PTCD3: variants seen among roughly 807,000 people sequenced by gnomAD.
The protein encoded by PTCD3 is small ribosomal subunit protein mS39.
PTCD3 carries 89 observed loss-of-function variants against 101.9 expected under a neutral mutation model. That is an observed-to-expected ratio of 0.87 (90% CI 0.74 to 1.04). The LOEUF (loss-of-function observed/expected upper bound fraction) is 1.04, where lower values mean the gene tolerates loss of function less well. Ranked by LOEUF, PTCD3 falls within the 50% of genes least tolerant of loss-of-function variation. The pLI, the probability that PTCD3 is intolerant of heterozygous loss-of-function variation, is 0.00. For missense variants in PTCD3, 870 were observed against 828.2 expected, an observed-to-expected ratio of 1.05 and a Z score of -0.62; for synonymous variants, 296 against 278.5, an observed-to-expected ratio of 1.06 and a Z score of -0.63.
chr2:86,128,049 T>G, intron 14 of PTCD3, 58 bp downstream of exon 14: 1 of 1,323,130 alleles, frequency 7.6e-7, no homozygotes. Flanking sequence ...CTTTCTTGAG[T>G]TTATGTGATT....
At chr2:86,119,096 C>G in intron 7 of PTCD3, 52 bp downstream of exon 7, 1 of 1,592,470 alleles carries the variant, frequency 6.3e-7, no homozygotes, top group East Asian at 2.2e-5. Flanking sequence ...TGAAGTGGGC[C>G]CAAGTTATAT....
chr2:86,127,748 T>TA (rs1674422328), intron 13 of PTCD3, 193 bp from the exon 14 acceptor site: 1 of 584,820 alleles, frequency 1.7e-6, no homozygotes, highest in Non-Finnish European at 3.0e-6. Flanking sequence ...CAAAAAGTGA[T>TA]ACAGTCTTTG....
chr2:86,131,183 T>C lies in PTCD3; in HGVS notation c.1266+77T>C, dbSNP rs979847468. ...AACTGGAGGGTTCTCCCTGGTTCTT[T>C]TCACTTTCTAACTCTTCTGTTCATG... On this transcript the variant is annotated intron_variant, in intron 16 of 23. Coordinates refer to ENST00000254630, the MANE Select transcript of PTCD3 (RefSeq NM_017952.6). The C allele has an allele frequency of 3.6e-6, 4 of 1,102,864 alleles. No homozygotes were observed. In the African/African-American group the frequency reaches 4.9e-5, roughly 13 times the overall value. 68.3% of individuals were successfully genotyped at this position (1,102,864 alleles called of 1,614,324 possible). A position where few individuals can be genotyped will look rare whatever the true frequency, so the allele number is the denominator to read the frequency against.
At chr2:86,131,845 C>T (rs552241845) in intron 16 of PTCD3, among the ~76,000 whole-genome samples, 9 of 152,354 alleles carry the variant, frequency 5.9e-5, no homozygotes, top group Non-Finnish European at 1.2e-4. Context: ...GCAAAAACCA[C>T]AATTACTTTT....
chr2:86,132,622 GT>G (rs11333311), intron 17 of PTCD3, 198 bp downstream of exon 17: 114,176 of 218,160 alleles, frequency 0.52, 23,676 homozygotes, highest in Admixed American at 0.63. Context: ...TCCTTTAAGG[GT>G]TTTTTTTTTT....
At chr2:86,124,291 T>G (rs1351120223) in intron 9 of PTCD3, among the ~76,000 whole-genome samples, 1 of 152,130 alleles carries the variant, frequency 6.6e-6, no homozygotes, top group African/African-American at 2.4e-5. Flanking sequence ...TATCTAAAAT[T>G]GTTATTGAAG....
rs759074091 is a variant in PTCD3 at position 86,116,592 on chromosome 2, G to A, written c.303G>A (p.Leu101=). Residue 101 remains leucine, a synonymous_variant, in exon 5 of 24, where the codon TTG becomes TTA. Transcript: ENST00000254630. ...CTTACCTTATGCCAGCATCATCTTT[G>A]GAATCTGTGAGTATTTTCATATAAT... ...DDPYLMPASS[L]ESRSFLLAKK... The A allele has an allele frequency of 1.2e-6, 2 of 1,603,868 alleles. No homozygotes were observed. Among genetic ancestry groups the A allele is most frequent in the South Asian group, 2.2e-5 (2 of 90,846 alleles).
chr2:86,137,904 C>A lies in PTCD3; in HGVS notation c.*345C>A. 4.1e-6 allele frequency: 1 copy of A among 241,088 alleles called. No homozygotes were observed. Among genetic ancestry groups the A allele is most frequent in the Non-Finnish European group, 8.4e-6 (1 of 118,812 alleles). 14.9% of individuals were successfully genotyped at this position (241,088 alleles called of 1,614,324 possible). A position where few individuals can be genotyped will look rare whatever the true frequency, so the allele number is the denominator to read the frequency against. ...ACGATGCTGTCCTCGTGCGATTGCC[C>A]TCTCCTGCTGCTGGACTTCTGCCTT... is the stretch of plus-strand genomic sequence containing the variant. On this transcript the variant is annotated 3_prime_UTR_variant, in exon 24 of 24. Transcript: ENST00000254630.
intron 5 of PTCD3, 77 bp downstream of exon 5, chr2:86,116,675 A>G (rs1674184024): frequency 9.0e-7 from 1 of 1,109,412 alleles, no homozygotes; most frequent in Non-Finnish European, 1.4e-6. Context: ...ATTTAGTTGT[A>G]ATAACCTGGG....
Position 86,119,050 on chromosome 2 carries a change from TGAGTTCGATTAAAGCCCCTCTAA to T in PTCD3, c.538+7_538+29del. On this transcript the variant is annotated splice_region_variant and intron_variant, in intron 7 of 23. Coordinates refer to ENST00000254630, the MANE Select transcript of PTCD3 (RefSeq NM_017952.6). ...TGATCAGCTTTTGCAAGCAGGTGAC[TGAGTTCGATTAAAGCCCCTCTAA>T]TAACATGGGCTTTGAAGTGGGCCCA... The T allele has an allele frequency of 6.2e-7, 1 of 1,613,072 alleles. No homozygotes were observed. The highest frequency in any genetic ancestry group is 8.5e-7 in the Non-Finnish European group (1 of 1,179,806).
Position 86,121,578 on chromosome 2 carries a change from G to C in PTCD3, c.638G>C (p.Gly213Ala), listed in dbSNP as rs150425965. The change falls in exon 8 of 24, where the codon GGA (glycine) becomes GCA (alanine). Residue 213 changes from glycine to alanine, a missense_variant. Physicochemically the swap from Gly to Ala is moderately conservative, Grantham distance 60. Transcript: ENST00000254630. ...PSTDYHFQQT[G>A]QSEALEEEND... ...ACTGATTACCATTTTCAACAAACTG[G>C]ACAGTCAGAAGCATTGGTAATAACT... is the stretch of plus-strand genomic sequence containing the variant. 117 of 1,605,852 alleles carry C rather than the reference G, an allele frequency of 7.3e-5. No homozygotes were observed. The highest frequency in any genetic ancestry group is 9.4e-5 in the Non-Finnish European group (111 of 1,175,474).
chr2:86,137,463 TA>T lies in PTCD3; in HGVS notation c.1980-4del. The T allele has an allele frequency of 6.2e-7, 1 of 1,613,476 alleles. No individual in the cohort carries two copies. The highest frequency in any genetic ancestry group is 2.2e-5 in the East Asian group (1 of 44,784). On this transcript the variant is annotated splice_polypyrimidine_tract_variant and splice_region_variant and intron_variant, in intron 23 of 23. Transcript: ENST00000254630. ...AGTGTAATCCTCCATTTTCTTTTCT[TA>T]ACAGGGAAGCCCTAAGTAATCTAAC...
chr2:86,121,578 G>T lies in PTCD3; in HGVS notation c.638G>T (p.Gly213Val). The T allele has an allele frequency of 6.2e-7, 1 of 1,605,968 alleles. No individual in the cohort carries two copies. Among genetic ancestry groups the T allele is most frequent in the Non-Finnish European group, 8.5e-7 (1 of 1,175,470 alleles). The change falls in exon 8 of 24, where the codon GGA becomes GTA. Residue 213 changes from glycine (G) to valine (V), a missense_variant. Physicochemically the swap from Gly to Val is moderately radical, Grantham distance 109 (BLOSUM62 -3). Transcript: ENST00000254630. The part of the protein sequence containing the change: ...PSTDYHFQQT[G>V]QSEALEEEND... The stretch of plus-strand genomic sequence containing the variant: ...ACTGATTACCATTTTCAACAAACTG[G>T]ACAGTCAGAAGCATTGGTAATAACT...
rs1047753065 is a variant in PTCD3 at position 86,134,894 on chromosome 2, A to G, written c.1685A>G (p.Gln562Arg). 1 of 1,614,198 alleles carries G rather than the reference A, an allele frequency of 6.2e-7. No individual in the cohort carries two copies. The highest frequency in any genetic ancestry group is 8.5e-7 in the Non-Finnish European group (1 of 1,180,016). ...GATATCAAATCTGCGTATGAAAGCCAACCCATCAGACAGACTGCTCAGGAT... is the reference window on the plus strand; with the variant it reads ...GATATCAAATCTGCGTATGAAAGCCGACCCATCAGACAGACTGCTCAGGAT... ...AADIKSAYESQPIRQTAQDWP... is the reference protein window; with the variant it reads ...AADIKSAYESRPIRQTAQDWP... Residue 562 changes from glutamine to arginine, a missense_variant, in exon 21 of 24, where the codon CAA (glutamine) becomes CGA (arginine). Coordinates refer to ENST00000254630, the MANE Select transcript of PTCD3 (RefSeq NM_017952.6).
intron 6 of PTCD3, among the ~76,000 whole-genome samples, chr2:86,118,525 C>T (rs1674220074): frequency 6.6e-6 from 1 of 152,180 alleles, no homozygotes; most frequent in African/African-American, 2.4e-5. Context: ...TATTAAAATC[C>T]TAAACTAAGA....
At chr2:86,116,650 A>G in intron 5 of PTCD3, 52 bp downstream of exon 5, 2 of 1,314,074 alleles carry the variant, frequency 1.5e-6, no homozygotes, top group Non-Finnish European at 2.2e-6. Flanking sequence ...GTTTGCGTAC[A>G]ACAGTACATA....
intron 23 of PTCD3, 139 bp from the exon 24 acceptor site, chr2:86,137,330 T>C: frequency 1.5e-6 from 2 of 1,358,096 alleles, no homozygotes; most frequent in Non-Finnish European, 9.9e-7. Flanking sequence ...GCTTTTTGTT[T>C]CTAATATAGT....
At chr2:86,115,124 G>A (rs1459142783) in intron 4 of PTCD3, among the ~76,000 whole-genome samples, 1 of 152,182 alleles carries the variant, frequency 6.6e-6, no homozygotes, top group East Asian at 1.9e-4. Flanking sequence ...ATTCTTAGCA[G>A]TTCTAGGAAT....
rs1674631400 is a variant in PTCD3 at position 86,138,465 on chromosome 2, A to G, written c.*906A>G. On this transcript the variant is annotated 3_prime_UTR_variant, in exon 24 of 24. Transcript: ENST00000254630. ...TTGCACGTACCTGGCTCCCAGATTT[A>G]CTTAGGTACCCCACGAGTTGTCCAC... The G allele has an allele frequency of 6.6e-6, 1 of 152,136 alleles. No individual in the cohort carries two copies. Among genetic ancestry groups the G allele is most frequent in the African/African-American group, 2.4e-5 (1 of 41,412 alleles). 9.4% of individuals were successfully genotyped at this position (152,136 alleles called of 1,614,324 possible).
Sources: gnomAD v4.1 joint callset for allele counts (sites outside exome capture counted in the v4.1 genomes callset) on GRCh38, gnomAD v4.1.1 for gene constraint, MANE v1.5 for transcripts, NCBI Gene and HGNC (gene_info 2026-07-23, HGNC 2026-07-21) for gene names.